Variants in FANCA observed in about 807,000 individuals in gnomAD.
FANCA encodes FA complementation group A, also known as Fanconi anemia group A protein.
Under a neutral mutation model 194.3 loss-of-function variants are expected in FANCA, and 236 were observed. The ratio of observed to expected loss-of-function variants is 1.21; its 90% CI spans 1.09 to 1.35. The LOEUF is 1.35. Among genes scored for constraint, FANCA ranks in the 40% most tolerant of loss-of-function variants. The pLI is 0.00. For synonymous variants in FANCA, 1,014 were observed against 715.8 expected (o/e 1.42, Z -6.65); for missense variants, 2,628 against 1,813.9 (o/e 1.45, Z -8.15).
intron 28 of FANCA, among the ~76,000 whole-genome samples, chr16:89,764,087 C>A (rs1222249054): frequency 4.0e-5 from 6 of 151,402 alleles, no homozygotes; most frequent in African/African-American, 1.2e-4. Flanking sequence ...ACTAAAGATA[C>A]CAAAATTAGT....
chr16:89,769,669 A>G (rs142084058), intron 26 of FANCA, 168 bp downstream of exon 26: 7 of 745,418 alleles, frequency 9.4e-6, no homozygotes, highest in Admixed American at 2.2e-5. Context: ...CACGCATATT[A>G]TAAACAAATG....
At chr16:89,792,609 T>A (rs78009183) in intron 11 of FANCA, 62 bp from the exon 12 acceptor site, 3 of 1,227,872 alleles carry the variant, frequency 2.4e-6, no homozygotes, top group Non-Finnish European at 3.3e-6. Context: ...GGGTTTTTGT[T>A]AAGGACCAGC....
intron 2 of FANCA, among the ~76,000 whole-genome samples, chr16:89,814,941 A>C (rs1179374526): frequency 6.6e-6 from 1 of 152,036 alleles, no homozygotes; most frequent in African/African-American, 2.4e-5. Flanking sequence ...ACTTTGTCTC[A>C]AAAAAAATAA....
intron 30 of FANCA, among the ~76,000 whole-genome samples, chr16:89,757,685 C>T (rs2038810838): frequency 6.6e-6 from 1 of 152,132 alleles, no homozygotes; most frequent in African/African-American, 2.4e-5. Flanking sequence ...GGGGACAAAG[C>T]CTGGACAGCC....
intron 37 of FANCA, among the ~76,000 whole-genome samples, chr16:89,742,388 A>G (rs970324070): frequency 3.6e-5 from 2 of 55,738 alleles, no homozygotes; most frequent in African/African-American, 2.2e-4. Context: ...AGCCCAGAAG[A>G]GGCTGCAGTG....
At position 89,746,790 on chromosome 16, in the gene FANCA, G is replaced by A. The variant is rs761940268; in HGVS notation, c.3408+41C>T. On this transcript the variant is annotated intron_variant, in intron 34 of 42. Coordinates refer to ENST00000389301, the MANE Select transcript of FANCA (RefSeq NM_000135.4). ...GCTGACAGGAGGATCCACCCACGGC[G>A]TTCTGAGAAGGCCACGAGAGGGGCT... 2.5e-5 allele frequency: 39 copies of A among 1,577,256 alleles called. 1 individual carries two copies. In the South Asian group the frequency reaches 2.5e-4, roughly 10 times the overall value.
intron 39 of FANCA, chr16:89,739,787 T>C (rs1200079181): frequency 2.7e-6 from 4 of 1,469,070 alleles, no homozygotes; most frequent in Non-Finnish European, 2.7e-6. Flanking sequence ...GTCCCCATGA[T>C]AGGCCCATTG....
chr16:89,794,861 C>T (rs1467632172), intron 11 of FANCA, among the ~76,000 whole-genome samples: 2 of 152,300 alleles, frequency 1.3e-5, no homozygotes, highest in Non-Finnish European at 2.9e-5. Context: ...AACACGCCAC[C>T]GAGTCTAGCT....
chr16:89,789,307 G>GGC (rs776812483), intron 14 of FANCA, among the ~76,000 whole-genome samples: 9 of 89,052 alleles, frequency 1.0e-4, no homozygotes, highest in African/African-American at 6.3e-4. Context: ...CAGAAGGCCT[G>GGC]GGGGGGGAGC....
chr16:89,749,741 T>C lies in FANCA; in HGVS notation c.3228A>G (p.Leu1076=), dbSNP rs765285538. The stretch of plus-strand genomic sequence containing the variant: ...GTAGTAGGTGTTACCGTTTGTACAT[T>C]AGCAGCTCCCTCTGTCTCTGAAGGC... ...AASLQRQREL[L]MYKRILLRLP... is the part of the protein sequence containing the mutation. Residue 1076 remains leucine, a synonymous_variant, in exon 32 of 43, where the codon CTA becomes CTG. Coordinates refer to ENST00000389301, the MANE Select transcript of FANCA (RefSeq NM_000135.4). 2 of 1,613,962 alleles carry C rather than the reference T, an allele frequency of 1.2e-6. No homozygotes were observed. The highest frequency in any genetic ancestry group is 1.7e-6 in the Non-Finnish European group (2 of 1,179,908).
At chr16:89,782,254 G>A (rs1260371436) in intron 17 of FANCA, among the ~76,000 whole-genome samples, 1 of 148,570 alleles carries the variant, frequency 6.7e-6, no homozygotes, top group Non-Finnish European at 1.5e-5. Flanking sequence ...GCGGGCGCCT[G>A]TAATCCCAGC....
intron 22 of FANCA, 111 bp from the exon 23 acceptor site, chr16:89,771,925 C>G: frequency 8.0e-7 from 1 of 1,255,512 alleles, no homozygotes; most frequent in Non-Finnish European, 1.1e-6. Flanking sequence ...ATCCTGCTGA[C>G]TGCACACATC....
intron 29 of FANCA, among the ~76,000 whole-genome samples, chr16:89,760,066 C>T (rs2038901463): frequency 6.6e-6 from 1 of 152,258 alleles, no homozygotes; most frequent in South Asian, 2.1e-4. Context: ...CAGAATGTAT[C>T]TAAGTATCAC....
intron 30 of FANCA, among the ~76,000 whole-genome samples, chr16:89,756,394 C>T (rs865794870): frequency 1.3e-5 from 2 of 152,102 alleles, no homozygotes; most frequent in African/African-American, 4.8e-5. Flanking sequence ...TTTGGGAGGC[C>T]GAGGCGGGCA....
chr16:89,760,628 T>G (rs2038921388), intron 29 of FANCA, among the ~76,000 whole-genome samples: 1 of 152,192 alleles, frequency 6.6e-6, no homozygotes, highest in South Asian at 2.1e-4. Context: ...CCTACTCCTA[T>G]GCCCAGAACA....
intron 36 of FANCA, 112 bp from the exon 37 acceptor site, chr16:89,743,050 G>T: frequency 7.9e-7 from 1 of 1,266,910 alleles, no homozygotes; most frequent in Non-Finnish European, 1.1e-6. Context: ...TTCCATCAGA[G>T]GACAGAGAAG....
At position 89,778,792 on chromosome 16, in the gene FANCA, G is replaced by A. The variant is rs370342473; in HGVS notation, c.1826+9C>T. The A allele has an allele frequency of 1.2e-6, 2 of 1,613,468 alleles. No homozygotes were observed. Among genetic ancestry groups the A allele is most frequent in the East Asian group, 4.5e-5 (2 of 44,880 alleles). ...AAGTAGTCATCCCCTTCTAACCGTT[G>A]CTGCATACCTCTTCAGAGACTCTAT... On this transcript the variant is annotated intron_variant, in intron 20 of 42. Coordinates refer to ENST00000389301, the MANE Select transcript of FANCA (RefSeq NM_000135.4).
intron 10 of FANCA, 118 bp downstream of exon 10, chr16:89,799,048 G>A (rs746593438): frequency 5.6e-6 from 9 of 1,614,108 alleles, no homozygotes; most frequent in Non-Finnish European, 7.6e-6. Flanking sequence ...AACTGGCAGA[G>A]GAAGTGTGCT....
intron 10 of FANCA, among the ~76,000 whole-genome samples, chr16:89,796,341 G>A (rs1396094880): frequency 2.6e-5 from 4 of 152,190 alleles, no homozygotes; most frequent in Admixed American, 6.5e-5. Context: ...GCCGCACCCG[G>A]GAGTGGAGCC....
Sources: allele counts gnomAD v4.1 joint callset (sites outside exome capture counted in the v4.1 genomes callset), GRCh38; gene constraint gnomAD v4.1.1; transcripts MANE v1.5; gene names NCBI Gene and HGNC (gene_info 2026-07-23, HGNC 2026-07-21).